Variants in DLGAP5 observed in about 807,000 individuals in gnomAD.
DLGAP5 encodes disks large-associated protein 5.
In DLGAP5, 90 loss-of-function variants were observed where a neutral mutation model predicts 99.6. That is an observed-to-expected ratio of 0.90 (90% confidence interval 0.76 to 1.08). The LOEUF (loss-of-function observed/expected upper bound fraction) is 1.08. Ranked by LOEUF, DLGAP5 falls within the 50% of genes least tolerant of loss-of-function variation. DLGAP5 has a pLI of 0.00. For synonymous variants in DLGAP5, 311 were observed against 321.3 expected, an observed-to-expected ratio of 0.97 and a Z score of 0.34; for missense variants, 1,036 against 983.5, an observed-to-expected ratio of 1.05 and a Z score of -0.71.
intron 17 of DLGAP5, 129 bp from the exon 18 acceptor site, chr14:55,150,977 A>G: frequency 1.7e-6 from 1 of 571,742 alleles, no homozygotes; most frequent in South Asian, 2.1e-5. Flanking sequence ...ATAGACCCCT[A>G]TGCTATAATG....
chr14:55,169,855 GCGGGCGCGGTGGCTCATGCCTA>G (rs147417085), intron 11 of DLGAP5, among the ~76,000 whole-genome samples: 8,798 of 152,154 alleles, frequency 0.058, 323 homozygotes, highest in South Asian at 0.091. Context: ...GCTCATGCCT[GCGGGCGCGGTGGCTCATGCCTA>G]CAATCCCAGC....
intron 14 of DLGAP5, among the ~76,000 whole-genome samples, chr14:55,155,843 C>T (rs184473654): frequency 5.3e-5 from 8 of 151,904 alleles, no homozygotes; most frequent in African/African-American, 1.9e-4. Flanking sequence ...GATCCCAGCA[C>T]TTTGGGAGGC....
chr14:55,178,459 G>C (rs1014704518), intron 7 of DLGAP5, among the ~76,000 whole-genome samples: 1 of 152,124 alleles, frequency 6.6e-6, no homozygotes, highest in African/African-American at 2.4e-5. Context: ...TTTGTTACTT[G>C]GTATTTAAAT....
chr14:55,177,002 AAAG>A (rs377757042), intron 8 of DLGAP5, 57 bp downstream of exon 8: 13 of 1,091,802 alleles, frequency 1.2e-5, no homozygotes, highest in South Asian at 3.6e-5. Context: ...AAAAAAAAAA[AAAG>A]AAAGGCATTT....
Position 55,175,424 on chromosome 14 carries a change from A to G in DLGAP5, c.1223T>C (p.Leu408Pro). The change falls in exon 10 of 19, where the codon CTT becomes CCT. Residue 408 changes from leucine to proline, a missense_variant. Leu to Pro is a moderately conservative substitution (Grantham distance 98). Transcript: ENST00000247191. ...NEATTKNLNGLPIKEVPSLER... is the reference protein window; with the variant it reads ...NEATTKNLNGPPIKEVPSLER... ...AAGTGATGGGACTTCTTTTATTGGA[A>G]GGCCATTTAAATTTTTAGTAGTAGC... 1 of 1,551,046 alleles carries G rather than the reference A, an allele frequency of 6.4e-7. No individual in the cohort carries two copies. Among genetic ancestry groups the G allele is most frequent in the Non-Finnish European group, 8.9e-7 (1 of 1,128,122 alleles).
intron 11 of DLGAP5, among the ~76,000 whole-genome samples, chr14:55,170,161 A>G: frequency 6.9e-6 from 1 of 144,938 alleles, no homozygotes; most frequent in Admixed American, 6.9e-5. Context: ...TAAATAAATT[A>G]AAAAAAAAAA....
At chr14:55,188,449 T>C (rs1174008793) in intron 2 of DLGAP5, among the ~76,000 whole-genome samples, 1 of 152,228 alleles carries the variant, frequency 6.6e-6, no homozygotes, top group Non-Finnish European at 1.5e-5. Flanking sequence ...TCATGGATTC[T>C]TTAATTATTC....
intron 10 of DLGAP5, 95 bp from the exon 11 acceptor site, chr14:55,170,882 AT>A: frequency 5.9e-6 from 5 of 848,452 alleles, no homozygotes; most frequent in Non-Finnish European, 9.6e-6. Flanking sequence ...TTAGGAAGTT[AT>A]AAAAGGGAGC....
intron 13 of DLGAP5, among the ~76,000 whole-genome samples, chr14:55,161,291 C>A (rs1882421337): frequency 6.6e-6 from 1 of 151,894 alleles, no homozygotes; most frequent in Non-Finnish European, 1.5e-5. Context: ...GAAATACCCA[C>A]AGTAGCTTTA....
Position 55,189,552 on chromosome 14 carries a change from G to A in DLGAP5, c.-1-372C>T, listed in dbSNP as rs550963826. Among the ~76,000 whole-genome samples the A allele has an allele frequency of 2.0e-4, 30 of 152,232 alleles. 1 individual carries two copies. In the South Asian group the frequency reaches 6.2e-3, roughly 32 times the overall value. On this transcript the variant is annotated intron_variant, in intron 1 of 18. Coordinates refer to ENST00000247191, the MANE Select transcript of DLGAP5 (RefSeq NM_014750.5). ...TTCCTTACCCATGATGAGGAATGCA[G>A]GTAGTCTAACATTTCTTCTAAAGCC...
chr14:55,160,859 G>C (rs1882401314), intron 13 of DLGAP5, among the ~76,000 whole-genome samples: 1 of 152,152 alleles, frequency 6.6e-6, no homozygotes, highest in Non-Finnish European at 1.5e-5. Context: ...ATGAGTTGGA[G>C]AAATAAAGGA....
chr14:55,167,725 TGGTTC>T (rs534287800), intron 12 of DLGAP5, among the ~76,000 whole-genome samples: 279 of 152,336 alleles, frequency 1.8e-3, no homozygotes, highest in African/African-American at 6.3e-3. Flanking sequence ...CATGCTTGAT[TGGTTC>T]GGTATAGAAA....
At chr14:55,173,603 C>CTATATA (rs202195474) in intron 10 of DLGAP5, among the ~76,000 whole-genome samples, 18 of 148,464 alleles carry the variant, frequency 1.2e-4, no homozygotes, top group African/African-American at 4.6e-4. Context: ...CTCTCTCTCT[C>CTATATA]TATATATATA....
chr14:55,151,151 T>C (rs1882003375), intron 17 of DLGAP5, among the ~76,000 whole-genome samples: 1 of 152,206 alleles, frequency 6.6e-6, no homozygotes, highest in Non-Finnish European at 1.5e-5. Flanking sequence ...TGTTTTACCA[T>C]AGGCCCCAGT....
chr14:55,180,510 G>T, intron 6 of DLGAP5, 146 bp downstream of exon 6: 1 of 1,131,618 alleles, frequency 8.8e-7, no homozygotes, highest in African/African-American at 1.6e-5. Context: ...CCAGATGTCA[G>T]GGCACAGAAT....
chr14:55,148,603 C>T (rs1384052800), intron 18 of DLGAP5, 130 bp from the exon 19 acceptor site: 1 of 1,542,346 alleles, frequency 6.5e-7, no homozygotes, highest in Non-Finnish European at 8.7e-7. Flanking sequence ...CCTGTAGTCC[C>T]AGCTACTCGG....
intron 2 of DLGAP5, 131 bp downstream of exon 2, chr14:55,188,811 C>G: frequency 1.7e-6 from 1 of 574,768 alleles, no homozygotes; most frequent in Non-Finnish European, 2.9e-6. Flanking sequence ...AGGAAAAAGA[C>G]CAAAAAGGAA....
chr14:55,152,534 A>C (rs1805744616), intron 16 of DLGAP5, 56 bp downstream of exon 16: 2 of 1,339,776 alleles, frequency 1.5e-6, no homozygotes, highest in African/African-American at 3.0e-5. Context: ...TACTTTCTAT[A>C]ATGATATAAA....
chr14:55,170,335 G>A (rs1282697962), intron 11 of DLGAP5, among the ~76,000 whole-genome samples: 1 of 149,040 alleles, frequency 6.7e-6, no homozygotes, highest in African/African-American at 2.6e-5. Context: ...GTATATTTTT[G>A]TGTAAACAAT....
Sources: allele counts gnomAD v4.1 joint callset (sites outside exome capture counted in the v4.1 genomes callset), GRCh38; gene constraint gnomAD v4.1.1; transcripts MANE v1.5; gene names NCBI Gene and HGNC (gene_info 2026-07-23, HGNC 2026-07-21).